Variants in NSL1 observed in about 807,000 individuals in gnomAD.
NSL1 encodes kinetochore-associated protein NSL1 homolog.
Under a neutral mutation model 25.4 loss-of-function variants are expected in NSL1, and 11 were observed. That is an observed-to-expected ratio of 0.43 (90% CI 0.27 to 0.72). The LOEUF (loss-of-function observed/expected upper bound fraction) is 0.72, where lower values mean the gene tolerates loss of function less well. Among genes scored for constraint, NSL1 ranks in the 30% least tolerant of loss-of-function variants. NSL1 has a pLI of 0.19. For synonymous variants in NSL1, 118 were observed against 120.6 expected (o/e 0.98, Z 0.14); for missense variants, 330 against 342.7 (o/e 0.96, Z 0.29).
rs146851993 is a variant in NSL1 at position 212,744,351 on chromosome 1, T to C, written c.500-4750A>G. Among the ~76,000 whole-genome samples, 33 of 152,210 alleles carry C rather than the reference T, an allele frequency of 2.2e-4. No individual in the cohort carries two copies. In the South Asian group the frequency reaches 3.3e-3, roughly 15 times the overall value. On this transcript the variant is annotated intron_variant, in intron 4 of 5. Transcript: ENST00000366977. ...TCCAAAAAAGCTTTAGAAAAGTCAC[T>C]AAACAAACAAACAACTCACCACAAG...
chr1:212,780,368 G>A (rs7546273), intron 4 of NSL1, among the ~76,000 whole-genome samples: 30,103 of 150,324 alleles, frequency 0.2, 3,651 homozygotes, highest in African/African-American at 0.37. Context: ...AAACACTGCG[G>A]AAGGCCGCAG....
chr1:212,738,418 A>C lies in NSL1; in HGVS notation c.836T>G (p.Leu279Arg), dbSNP rs1658330611. Residue 279 changes from leucine to arginine, a missense_variant, in exon 6 of 6, where the codon CTT (leucine) becomes CGT (arginine). Physicochemically the swap from Leu to Arg is moderately radical, Grantham distance 102. Coordinates refer to ENST00000366977, the MANE Select transcript of NSL1 (RefSeq NM_015471.4). Reference protein sequence around the residue: ...WYPLRPKKINLDT With the variant: ...WYPLRPKKINRDT ...ATAAACAGAAAGAGCTCATGTATCA[A>C]GATTAATTTTCTTTGGCCGCAATGG... 6.2e-7 allele frequency: 1 copy of C among 1,611,008 alleles called. No homozygotes were observed. The highest frequency in any genetic ancestry group is 2.2e-5 in the East Asian group (1 of 44,854).
At position 212,758,851 on chromosome 1, in the gene NSL1, G is replaced by C. The variant is rs1202658251; in HGVS notation, c.500-19250C>G. Among the ~76,000 whole-genome samples, 4 of 152,242 alleles carry C rather than the reference G, an allele frequency of 2.6e-5. No individual in the cohort carries two copies. The East Asian group carries it at 5.8e-4, about 22-fold the overall frequency. On this transcript the variant is annotated intron_variant, in intron 4 of 5. Transcript: ENST00000366977. The stretch of plus-strand genomic sequence containing the variant: ...AAACAACCTTGAAAAAGAAGAACAA[G>C]GTTGGAAGACTCATACTTTCTGATT...
intron 4 of NSL1, among the ~76,000 whole-genome samples, chr1:212,762,564 T>C (rs1323871742): frequency 6.6e-6 from 1 of 151,984 alleles, no homozygotes; most frequent in Non-Finnish European, 1.5e-5. Flanking sequence ...ATGGAAGGAA[T>C]CCACAAACCC....
chr1:212,761,466 C>T (rs1450778544), intron 4 of NSL1, among the ~76,000 whole-genome samples: 1 of 152,122 alleles, frequency 6.6e-6, no homozygotes, highest in African/African-American at 2.4e-5. Context: ...ACGGCAAAAC[C>T]TTGCCTTTAC....
chr1:212,739,117 G>A (rs1658376295), intron 5 of NSL1, among the ~76,000 whole-genome samples: 1 of 152,098 alleles, frequency 6.6e-6, no homozygotes, highest in Non-Finnish European at 1.5e-5. Context: ...AACCTGCTTA[G>A]CCTCTCTGTG....
rs368071277 is a variant in NSL1, at chr1:212,783,278, T to C, written c.445-852A>G. Among the ~76,000 whole-genome samples, 6 of 152,288 alleles carry C rather than the reference T, an allele frequency of 3.9e-5. No individual in the cohort carries two copies. The South Asian group carries it at 1.2e-3, about 32-fold the overall frequency. On this transcript the variant is annotated intron_variant, in intron 3 of 5. Coordinates refer to ENST00000366977, the MANE Select transcript of NSL1 (RefSeq NM_015471.4). ...CCAGCCATCTTTCTTTTCTGCAATATTGATTACTAGTTTTGGGGGTTTAGG... is the reference window on the plus strand; with the variant it reads ...CCAGCCATCTTTCTTTTCTGCAATACTGATTACTAGTTTTGGGGGTTTAGG...
chr1:212,771,514 G>A (rs1441245497), intron 4 of NSL1, among the ~76,000 whole-genome samples: 1 of 143,918 alleles, frequency 6.9e-6, no homozygotes, highest in Non-Finnish European at 1.5e-5. Flanking sequence ...AATCAGGCAA[G>A]AGAAACAGAA....
rs1329734236 is a variant in NSL1 at position 212,790,853 on chromosome 1, G to A, written c.234+677C>T. 2.0e-5 allele frequency among the ~76,000 whole-genome samples: 3 copies of A among 151,982 alleles called. No individual in the cohort carries two copies. The East Asian group carries it at 5.8e-4, about 29-fold the overall frequency. On this transcript the variant is annotated intron_variant, in intron 1 of 5. Coordinates refer to ENST00000366977, the MANE Select transcript of NSL1 (RefSeq NM_015471.4). ...CAGGAGAATGGCGTGAACCCAGGAG[G>A]CGGAGCTTGCAGTGAGCCGAGATCG...
intron 4 of NSL1, among the ~76,000 whole-genome samples, chr1:212,741,842 T>C (rs755644362): frequency 7.9e-5 from 12 of 152,274 alleles, no homozygotes; most frequent in Non-Finnish European, 1.5e-4. Flanking sequence ...CACAGGAAGT[T>C]CTTCAAAATT....
chr1:212,775,366 G>A (rs1448958976), intron 4 of NSL1, among the ~76,000 whole-genome samples: 1 of 152,208 alleles, frequency 6.6e-6, no homozygotes, highest in East Asian at 1.9e-4. Context: ...AAGCCACTGA[G>A]TTGTACACCT....
At position 212,727,591 on chromosome 1, in the gene NSL1, G is replaced by T. The variant is rs1054109156; in HGVS notation, c.*10817C>A. ...CTCTCAAAAACTTTATGACTCAGTT[G>T]TCTGGAAGTTGTTTTGTAACCTTCT... On this transcript the variant is annotated 3_prime_UTR_variant, in exon 6 of 6. Coordinates refer to ENST00000366977, the MANE Select transcript of NSL1 (RefSeq NM_015471.4). 2.0e-6 allele frequency: 2 copies of T among 985,374 alleles called. No individual in the cohort carries two copies. Among genetic ancestry groups the T allele is most frequent in the East Asian group, 2.3e-4 (2 of 8,820 alleles). The allele number at this position is 985,374 out of a possible 1,614,324, so 61.0% of individuals were successfully genotyped here.
chr1:212,751,346 C>A (rs1659058422), intron 4 of NSL1, among the ~76,000 whole-genome samples: 1 of 152,136 alleles, frequency 6.6e-6, no homozygotes, highest in Non-Finnish European at 1.5e-5. Context: ...GTTTCATCAG[C>A]CTCCTTTTGT....
At chr1:212,748,500 C>T (rs1385471013) in intron 4 of NSL1, among the ~76,000 whole-genome samples, 1 of 152,122 alleles carries the variant, frequency 6.6e-6, no homozygotes, top group African/African-American at 2.4e-5. Context: ...TGTCTGTAGA[C>T]ACACAATGGA....
chr1:212,785,051 A>C (rs954057053), intron 2 of NSL1, among the ~76,000 whole-genome samples: 25 of 152,208 alleles, frequency 1.6e-4, no homozygotes, highest in African/African-American at 6.0e-4. Flanking sequence ...AGTAAAGGAG[A>C]AATGGATGAT....
At chr1:212,758,439 A>C (rs904280643) in intron 4 of NSL1, among the ~76,000 whole-genome samples, 1 of 152,264 alleles carries the variant, frequency 6.6e-6, no homozygotes, top group Middle Eastern at 3.2e-3. Flanking sequence ...TATTAGAACT[A>C]ATAAATGAGT....
Position 212,739,621 on chromosome 1 carries a change from C to T in NSL1, c.500-20G>A, listed in dbSNP as rs370284449. Reference sequence around the variant, plus strand: ...GAGGGGCTGCAAAAACATTGCCAAACAGTATTTTAGGTTTTTATCTAATAG... The same window carrying T: ...GAGGGGCTGCAAAAACATTGCCAAATAGTATTTTAGGTTTTTATCTAATAG... On this transcript the variant is annotated intron_variant, in intron 4 of 5. Transcript: ENST00000366977. The T allele has an allele frequency of 1.9e-5, 31 of 1,611,064 alleles. No individual in the cohort carries two copies. In the African/African-American group the frequency reaches 4.0e-4, roughly 21 times the overall value.
intron 3 of NSL1, 171 bp downstream of exon 3, chr1:212,784,192 A>G: frequency 2.3e-6 from 1 of 425,956 alleles, no homozygotes; most frequent in Non-Finnish European, 4.2e-6. Context: ...TGACTATACT[A>G]TGTCATAGTA....
intron 4 of NSL1, among the ~76,000 whole-genome samples, chr1:212,778,719 G>A (rs181802168): frequency 0.023 from 3,448 of 152,182 alleles, 58 homozygotes; most frequent in South Asian, 0.041. Flanking sequence ...TGCCCAGGCT[G>A]GAGTGCAGTG....
Sources: allele counts gnomAD v4.1 joint callset (sites outside exome capture counted in the v4.1 genomes callset), GRCh38; gene constraint gnomAD v4.1.1; transcripts MANE v1.5; gene names NCBI Gene and HGNC (gene_info 2026-07-23, HGNC 2026-07-21).